DDX4: variants seen among roughly 807,000 people sequenced by gnomAD.
The protein encoded by DDX4 is probable ATP-dependent RNA helicase DDX4.
In DDX4, 25 loss-of-function variants were observed where a neutral mutation model predicts 100.0. The observed-to-expected ratio is 0.25, with a 90% CI of 0.18 to 0.35. The LOEUF (loss-of-function observed/expected upper bound fraction) is 0.35, where lower values mean the gene tolerates loss of function less well. DDX4 is among the 10% of genes least tolerant of loss of function. DDX4 has a pLI of 1.00. For missense variants in DDX4, 635 were observed against 882.4 expected (o/e 0.72, Z 3.55); for synonymous variants, 259 against 275.7 (o/e 0.94, Z 0.60).
At chr5:55,738,929 T>C (rs747316449) in intron 1 of DDX4, 21 bp from the exon 2 acceptor site, 1 of 435,140 alleles carries the variant, frequency 2.3e-6, no homozygotes, top group African/African-American at 2.7e-5. Context: ...CAAATGTGCA[T>C]TTTTTTTTTT....
chr5:55,790,846 C>T (rs1331500777), intron 16 of DDX4, 141 bp downstream of exon 16: 1 of 729,368 alleles, frequency 1.4e-6, no homozygotes, highest in Non-Finnish European at 2.3e-6. Flanking sequence ...TGAATGCATT[C>T]TTATATAATT....
intron 3 of DDX4, among the ~76,000 whole-genome samples, chr5:55,759,059 A>C (rs187754238): frequency 6.6e-6 from 1 of 151,600 alleles, no homozygotes; most frequent in African/African-American, 2.4e-5. Flanking sequence ...CAGCTACTTA[A>C]ATTTTTTTTT....
At chr5:55,810,803 TAAAA>T (rs34112568) in intron 18 of DDX4, among the ~76,000 whole-genome samples, 11 of 152,294 alleles carry the variant, frequency 7.2e-5, no homozygotes, top group African/African-American at 2.6e-4. Context: ...AATTTGATCT[TAAAA>T]AGACAAAAGG....
intron 18 of DDX4, among the ~76,000 whole-genome samples, chr5:55,807,322 A>C (rs1743796953): frequency 1.3e-5 from 2 of 152,144 alleles, no homozygotes; most frequent in Non-Finnish European, 2.9e-5. Context: ...GCCCATTTAC[A>C]TTTAAGGTTA....
At chr5:55,741,556 G>A (rs1758981309) in intron 2 of DDX4, among the ~76,000 whole-genome samples, 1 of 152,212 alleles carries the variant, frequency 6.6e-6, no homozygotes. Context: ...GGGAGGCTGA[G>A]ACAGCCAGAT....
At chr5:55,815,282 A>G (rs755369201) in intron 20 of DDX4, 31 bp from the exon 21 acceptor site, 3 of 1,600,850 alleles carry the variant, frequency 1.9e-6, no homozygotes, top group Non-Finnish European at 2.6e-6. Context: ...TTAATACTTT[A>G]TGTTGCATAT....
intron 18 of DDX4, among the ~76,000 whole-genome samples, chr5:55,806,514 G>A (rs1188120303): frequency 6.6e-6 from 1 of 152,094 alleles, no homozygotes; most frequent in Non-Finnish European, 1.5e-5. Context: ...CAGAAATTCT[G>A]GTATGTTGTG....
chr5:55,771,433 G>T (rs969243011), intron 7 of DDX4, among the ~76,000 whole-genome samples: 3 of 152,102 alleles, frequency 2.0e-5, no homozygotes, highest in African/African-American at 7.2e-5. Context: ...TAGTGTGTTT[G>T]TTGCAATTGT....
chr5:55,804,502 A>G (rs192962844), intron 18 of DDX4, among the ~76,000 whole-genome samples: 79 of 152,278 alleles, frequency 5.2e-4, no homozygotes, highest in Non-Finnish European at 2.9e-5. Context: ...TTTTTGTATA[A>G]GGTGTAAAGA....
intron 15 of DDX4, among the ~76,000 whole-genome samples, chr5:55,788,581 C>G (rs929848042): frequency 3.3e-5 from 5 of 152,230 alleles, no homozygotes; most frequent in African/African-American, 1.2e-4. Flanking sequence ...TCAGGGTATT[C>G]TAATAATTTC....
intron 2 of DDX4, among the ~76,000 whole-genome samples, chr5:55,739,357 A>G (rs1758860394): frequency 6.6e-6 from 1 of 152,248 alleles, no homozygotes; most frequent in Non-Finnish European, 1.5e-5. Flanking sequence ...GGAAAATTGA[A>G]AACAATAATT....
intron 17 of DDX4, among the ~76,000 whole-genome samples, chr5:55,796,179 G>A (rs1400632396): frequency 6.6e-6 from 1 of 152,128 alleles, no homozygotes; most frequent in Non-Finnish European, 1.5e-5. Flanking sequence ...CAACTGGATG[G>A]TGTCCACCCA....
At chr5:55,778,577 T>C (rs1308755370) in intron 7 of DDX4, among the ~76,000 whole-genome samples, 2 of 152,140 alleles carry the variant, frequency 1.3e-5, no homozygotes, top group Admixed American at 1.3e-4. Context: ...TAGTTTCATA[T>C]GTCAACAAAG....
At chr5:55,741,222 C>T (rs1242863507) in intron 2 of DDX4, among the ~76,000 whole-genome samples, 1 of 152,204 alleles carries the variant, frequency 6.6e-6, no homozygotes, top group Non-Finnish European at 1.5e-5. Context: ...TTAAGGATGA[C>T]TGTCAAATCT....
intron 18 of DDX4, among the ~76,000 whole-genome samples, chr5:55,813,105 T>C (rs138737079): frequency 3.9e-5 from 6 of 152,286 alleles, no homozygotes; most frequent in African/African-American, 1.4e-4. Flanking sequence ...GGAGTAAATA[T>C]TCCTTAACAA....
At chr5:55,756,402 T>G (rs1240415827) in intron 3 of DDX4, among the ~76,000 whole-genome samples, 14 of 152,176 alleles carry the variant, frequency 9.2e-5, no homozygotes. Flanking sequence ...GTGTTAGTGT[T>G]TCAGCTACTT....
At chr5:55,786,813 T>C (rs1389260128) in intron 14 of DDX4, 143 bp downstream of exon 14, 5 of 666,762 alleles carry the variant, frequency 7.5e-6, no homozygotes, top group African/African-American at 1.8e-5. Flanking sequence ...GCTTCTGATT[T>C]TTATTAGGAT....
rs760157665 is a variant in DDX4, at chr5:55,801,215, G to GTT, written c.1615+2661_1615+2662dup. On this transcript the variant is annotated intron_variant, in intron 18 of 21. Transcript: ENST00000505374. ...AACCTTTCTTAAAACATGATGGGGT[G>GTT]TTTTTTTTTTTTTTTTTTGCGATTA... Among the ~76,000 whole-genome samples, 191 of 103,482 alleles carry GTT rather than the reference G, an allele frequency of 1.8e-3. 1 individual carries two copies. Among genetic ancestry groups the GTT allele is most frequent in the African/African-American group, 5.1e-3 (156 of 30,328 alleles). The allele number at this position is 103,482 out of a possible 152,430, so 67.9% of individuals were successfully genotyped here. A position where few individuals can be genotyped will look rare whatever the true frequency, so the allele number is the denominator to read the frequency against.
At chr5:55,761,087 A>G (rs1034215101) in intron 4 of DDX4, among the ~76,000 whole-genome samples, 15 of 152,252 alleles carry the variant, frequency 9.9e-5, no homozygotes, top group African/African-American at 2.2e-4. Flanking sequence ...GGAAAATTTA[A>G]TTTCTTTAGA....
Sources: allele counts gnomAD v4.1 joint callset (sites outside exome capture counted in the v4.1 genomes callset), GRCh38; gene constraint gnomAD v4.1.1; transcripts MANE v1.5; gene names NCBI Gene and HGNC (gene_info 2026-07-23, HGNC 2026-07-21).